The following ADGRD2 variants were observed in gnomAD, a reference collection of about 807,000 sequenced individuals.
ADGRD2 encodes G protein-coupled receptor PGR24.
A neutral mutation model predicts 44.4 loss-of-function variants in ADGRD2; 71 were observed. That is an observed-to-expected ratio of 1.60 (90% CI 1.32 to 1.95). The LOEUF (loss-of-function observed/expected upper bound fraction) is 1.95. ADGRD2 is among the 30% of genes most tolerant of loss of function. The pLI is 0.00. For missense variants in ADGRD2, 1,039 were observed against 512.4 expected (o/e 2.03, Z -9.92); for synonymous variants, 481 against 224.8 (o/e 2.14, Z -10.19).
rs1202612498 is a variant in ADGRD2, at chr9:124,454,743, G to T, written c.1109-100G>T. Reference sequence around the variant, plus strand: ...GTTGGCGGCTTGTGACAAGTTTAATGGGTGCCCACCAAGAAGACCCTGGCA... The same window carrying T: ...GTTGGCGGCTTGTGACAAGTTTAATTGGTGCCCACCAAGAAGACCCTGGCA... On this transcript the variant is annotated intron_variant, in intron 5 of 21. Coordinates refer to ENST00000334810, the Ensembl canonical transcript of ADGRD2. The surrounding 1 kb of genome is among the most constrained non-coding windows in gnomAD (Gnocchi z 4.5). The T allele has an allele frequency of 1.9e-5, 12 of 616,026 alleles. No homozygotes were observed. Among genetic ancestry groups the T allele is most frequent in the Admixed American group, 1.9e-4 (7 of 37,578 alleles). The allele number at this position is 616,026 out of a possible 1,614,324, so 38.2% of individuals were successfully genotyped here.
In ADGRD2 at chr9:124,460,210, T is replaced by C. The variant is rs370078467; in HGVS notation, c.1870+1489T>C. Reference sequence around the variant, plus strand: ...AGCGTCCACGCTCTGATTTTTTTTTTTTTTTTTTTGAGACTGAGTCTCACT... The same window carrying C: ...AGCGTCCACGCTCTGATTTTTTTTTCTTTTTTTTTGAGACTGAGTCTCACT... On this transcript the variant is annotated intron_variant, in intron 10 of 21. Coordinates refer to ENST00000334810, the Ensembl canonical transcript of ADGRD2. Among the ~76,000 whole-genome samples the C allele has an allele frequency of 1.1e-4, 17 of 150,314 alleles. No individual in the cohort carries two copies. The East Asian group carries it at 1.6e-3, about 14-fold the overall frequency.
exon 2 of ADGRD2, chr9:124,452,654 C>T: frequency 1.4e-6 from 1 of 717,988 alleles, no homozygotes; most frequent in East Asian, 2.7e-5. Context: ...GGGGTTCTTG[C>T]TTCACGGCTG....
chr9:124,466,650 A>G (rs1275462721), intron 11 of ADGRD2: 8 of 335,332 alleles, frequency 2.4e-5, no homozygotes, highest in Non-Finnish European at 4.4e-5. Context: ...TCTCTACCAA[A>G]AATGCAAAAA....
In ADGRD2 at chr9:124,455,140, G is replaced by T; in HGVS notation, c.1393+13G>T. The T allele has an allele frequency of 1.5e-6, 1 of 683,686 alleles. No homozygotes were observed. Among genetic ancestry groups the T allele is most frequent in the South Asian group, 1.6e-5 (1 of 63,482 alleles). 42.4% of individuals were successfully genotyped at this position (683,686 alleles called of 1,614,324 possible). The stretch of plus-strand genomic sequence containing the variant: ...CTCCCTCCGTGAAGTGAGGCTGGCA[G>T]GGCTGGGTGGGGCAGGGGCCTGGGC... On this transcript the variant is annotated intron_variant, in intron 6 of 21. Coordinates refer to ENST00000334810, the Ensembl canonical transcript of ADGRD2.
upstream of ADGRD2, chr9:124,451,144 A>G (rs1379849352): frequency 2.1e-6 from 1 of 472,336 alleles, no homozygotes; most frequent in Non-Finnish European, 4.4e-6. Context: ...AAACTCAGAA[A>G]TGGACGCACC....
chr9:124,477,003 G>A (rs1335905312), intron 21 of ADGRD2: 1 of 658,424 alleles, frequency 1.5e-6, no homozygotes, highest in Non-Finnish European at 2.9e-6. Flanking sequence ...GCCCAGGGGG[G>A]CGCTGCCAAG....
intron 13 of ADGRD2, 119 bp from the exon 17 acceptor site, chr9:124,468,400 G>A: frequency 1.4e-6 from 1 of 697,000 alleles, no homozygotes; most frequent in South Asian, 1.5e-5. Flanking sequence ...CTGCTACCCA[G>A]AGGCCTCACC....
At chr9:124,452,527 G>C (rs746979540) in exon 2 of ADGRD2, 3 of 718,456 alleles carry the variant, frequency 4.2e-6, no homozygotes, top group Non-Finnish European at 7.8e-6. Context: ...GGCCGCCGGC[G>C]AGGTGGTGAA....
chr9:124,463,402 A>AT (rs1318919293), intron 10 of ADGRD2, among the ~76,000 whole-genome samples: 2 of 151,988 alleles, frequency 1.3e-5, no homozygotes, highest in East Asian at 1.9e-4. Flanking sequence ...TTTGTTGAGG[A>AT]TTTTTATGTT....
chr9:124,475,653 GC>G (rs1564144622), intron 19 of ADGRD2, 38 bp downstream of exon 22: 2 of 611,748 alleles, frequency 3.3e-6, no homozygotes, highest in South Asian at 1.9e-5. Flanking sequence ...GGGGCGGGAG[GC>G]CCCCAGAGCC....
intron 7 of ADGRD2, 146 bp downstream of exon 10, chr9:124,456,879 C>G (rs762789770): frequency 8.6e-5 from 55 of 642,620 alleles, no homozygotes; most frequent in Non-Finnish European, 1.4e-4. Context: ...AATGCCCTCT[C>G]TCCCTCGATC....
At chr9:124,455,861 G>A (rs1388961299) in intron 6 of ADGRD2, among the ~76,000 whole-genome samples, 2 of 152,212 alleles carry the variant, frequency 1.3e-5, no homozygotes, top group Non-Finnish European at 2.9e-5. Context: ...CCAGAGCAGG[G>A]AGGGAACGAG....
rs1831567856 is a variant in ADGRD2 at position 124,454,164 on chromosome 9, AG to A, written c.1022+72del. 1 of 614,078 alleles carries A rather than the reference AG, an allele frequency of 1.6e-6. No homozygotes were observed. The allele number at this position is 614,078 out of a possible 1,614,324, so 38.0% of individuals were successfully genotyped here. The stretch of plus-strand genomic sequence containing the variant: ...CCGGTGTGGACCGGAGTAGACTGAG[AG>A]GGGGTGAGCTGCTGGCAAAGTCTGG... On this transcript the variant is annotated intron_variant, in intron 4 of 21. Transcript: ENST00000334810. The surrounding 1 kb of genome is among the most constrained non-coding windows in gnomAD (Gnocchi z 4.5).
rs114220221 is a variant in ADGRD2, at chr9:124,468,325, G to A, written c.2233+135G>A. 7.1e-4 allele frequency: 481 copies of A among 680,260 alleles called. 3 individuals are homozygous for A. In the African/African-American group the frequency reaches 7.6e-3, roughly 11 times the overall value. The allele number at this position is 680,260 out of a possible 1,614,324, so 42.1% of individuals were successfully genotyped here. A position where few individuals can be genotyped will look rare whatever the true frequency, so the allele number is the denominator to read the frequency against. On this transcript the variant is annotated intron_variant, in intron 13 of 21. Transcript: ENST00000334810. ...CTGGGGAGGAGCAGGGCCCGGGGAGGAGCAGGGCCCCGGGAGGAAAGGGCC... is the reference window on the plus strand; with the variant it reads ...CTGGGGAGGAGCAGGGCCCGGGGAGAAGCAGGGCCCCGGGAGGAAAGGGCC...
rs765955104 is a variant in ADGRD2, at chr9:124,468,507, A to C, written c.2234-12A>C. 5.3e-5 allele frequency: 38 copies of C among 717,946 alleles called. 2 individuals are homozygous for C. Among genetic ancestry groups the C allele is most frequent in the South Asian group, 4.7e-4 (32 of 67,594 alleles). The allele number at this position is 717,946 out of a possible 1,614,324, so 44.5% of individuals were successfully genotyped here. On this transcript the variant is annotated splice_polypyrimidine_tract_variant and intron_variant, in intron 13 of 21. Transcript: ENST00000334810. ...ACCTCGGACCTGGGTGGGGATCCTGACCCTCCCACAGGTGGCATGTGTGGC... is the reference window on the plus strand; with the variant it reads ...ACCTCGGACCTGGGTGGGGATCCTGCCCCTCCCACAGGTGGCATGTGTGGC...
At position 124,460,374 on chromosome 9, in the gene ADGRD2, G is replaced by GTA. The variant is rs3050260; in HGVS notation, c.1870+1667_1870+1668dup. Among the ~76,000 whole-genome samples, 307 of 80,324 alleles carry GTA rather than the reference G, an allele frequency of 3.8e-3. 4 individuals are homozygous for GTA. Among genetic ancestry groups the GTA allele is most frequent in the African/African-American group, 0.015 (269 of 17,500 alleles). 52.7% of individuals were successfully genotyped at this position (80,324 alleles called of 152,430 possible). A position where few individuals can be genotyped will look rare whatever the true frequency, so the allele number is the denominator to read the frequency against. ...TGCGCTACCATGTCCAGCTAATTTT[G>GTA]TATATATATATATATTTTTTTTTAG... On this transcript the variant is annotated intron_variant, in intron 10 of 21. Transcript: ENST00000334810.
At chr9:124,458,620 C>T in exon 10 of ADGRD2, 1 of 718,774 alleles carries the variant, frequency 1.4e-6, no homozygotes, top group Non-Finnish European at 2.6e-6. Flanking sequence ...CCACAGGTTC[C>T]TAAGCACCCA....
At position 124,475,587 on chromosome 9, in the gene ADGRD2, A is replaced by G. The variant is rs1588610861; in HGVS notation, c.2819A>G (p.Gln940Arg). 16 of 632,638 alleles carry G rather than the reference A, an allele frequency of 2.5e-5. No homozygotes were observed. In the East Asian group the frequency reaches 5.2e-4, roughly 21 times the overall value. The allele number at this position is 632,638 out of a possible 1,614,324, so 39.2% of individuals were successfully genotyped here. Residue 940 changes from glutamine (Q) to arginine (R), a missense_variant, in exon 19 of 22, where the codon CAG becomes CGG. Physicochemically the swap from Gln to Arg is conservative, Grantham distance 43. Transcript: ENST00000334810. ...TTCCCCCAGGTGCGGAGCGCCCTGC[A>G]GAGGATGGCTGAGAAGAAGGTGGCC...
At chr9:124,453,319 T>A (rs1172661446) in exon 3 of ADGRD2, 13 of 486,560 alleles carry the variant, frequency 2.7e-5, no homozygotes, top group Non-Finnish European at 7.1e-6. Flanking sequence ...CGACGGCCGC[T>A]GGCACCATGT....
Sources: allele counts gnomAD v4.1 joint callset (sites outside exome capture counted in the v4.1 genomes callset), GRCh38; gene constraint gnomAD v4.1.1; non-coding constraint Gnocchi (gnomAD v3.1); transcripts MANE v1.5; gene names NCBI Gene and HGNC (gene_info 2026-07-23, HGNC 2026-07-21).